Variants in ZNF91 observed in about 807,000 individuals in gnomAD.
ZNF91 encodes zinc finger protein 91, also known as zinc finger protein 91 (HPF7, HTF10).
Under a neutral mutation model 12.6 loss-of-function variants are expected in ZNF91, and 7 were observed. The observed-to-expected ratio is 0.55, with a 90% confidence interval of 0.31 to 1.04. The LOEUF is 1.04. Ranked by LOEUF, ZNF91 falls within the 50% of genes least tolerant of loss-of-function variation. The pLI is 0.05. For synonymous variants in ZNF91, 453 were observed against 462.6 expected (o/e 0.98, Z 0.27); for missense variants, 1,217 against 1,385.4 (o/e 0.88, Z 1.93).
At chr19:23,335,265 G>A (rs1158576184), downstream of ZNF91, among the ~76,000 whole-genome samples, 1 of 152,200 alleles carries the variant, frequency 6.6e-6, no homozygotes, top group African/African-American at 2.4e-5. Flanking sequence ...TAGGCTACTC[G>A]GGGGTCAGGG....
intron 1 of ZNF91, chr19:23,385,191 G>T: frequency 3.0e-6 from 2 of 670,390 alleles, no homozygotes; most frequent in Non-Finnish European, 5.4e-6. Context: ...CTAAGTCAGA[G>T]GAGTCCCTCT....
At chr19:23,394,085 T>C (rs1326050468) in intron 1 of ZNF91, among the ~76,000 whole-genome samples, 3 of 152,022 alleles carry the variant, frequency 2.0e-5, no homozygotes, top group Admixed American at 6.5e-5. Context: ...GGAGGGGAAA[T>C]TGGCATTTGG....
intron 3 of ZNF91, among the ~76,000 whole-genome samples, chr19:23,348,481 T>C (rs1475923029): frequency 1.3e-5 from 2 of 152,244 alleles, no homozygotes; most frequent in Non-Finnish European, 2.9e-5. Context: ...AATACTCTTA[T>C]AATTTCCTAT....
chr19:23,385,657 C>T (rs1331658504), intron 1 of ZNF91, among the ~76,000 whole-genome samples: 1 of 152,168 alleles, frequency 6.6e-6, no homozygotes, highest in Non-Finnish European at 1.5e-5. Flanking sequence ...AACTTTACAG[C>T]ACTCCAACAT....
intron 1 of ZNF91, among the ~76,000 whole-genome samples, chr19:23,377,822 G>C (rs55812273): frequency 0.17 from 26,482 of 152,162 alleles, 2,515 homozygotes; most frequent in Non-Finnish European, 0.21. Context: ...GTAATCAACA[G>C]GATGTTACAG....
chr19:23,328,020 GAC>G (rs757577440), intron 1 of ZNF91: 28 of 152,112 alleles, frequency 1.8e-4, no homozygotes, highest in Admixed American at 9.2e-4. Flanking sequence ...CCTTTTAGAA[GAC>G]AGTTTTTTAC....
At chr19:23,364,961 T>G (rs1425463277) in intron 3 of ZNF91, among the ~76,000 whole-genome samples, 1 of 152,050 alleles carries the variant, frequency 6.6e-6, no homozygotes. Context: ...CAAAGCACAA[T>G]TAACAGATGT....
In ZNF91 at chr19:23,364,422, G is replaced by A. The variant is rs1968921556; in HGVS notation, c.254-1697C>T. Among the ~76,000 whole-genome samples, 5 of 152,042 alleles carry A rather than the reference G, an allele frequency of 3.3e-5. No homozygotes were observed. The South Asian group carries it at 1.0e-3, about 31-fold the overall frequency. On this transcript the variant is annotated intron_variant, in intron 3 of 3. Transcript: ENST00000300619. ...ATCGCGCCATTGCACTCCAGCCTGGGCAACAAGAGCAAAATTCCATCTCAA... is the reference window on the plus strand; with the variant it reads ...ATCGCGCCATTGCACTCCAGCCTGGACAACAAGAGCAAAATTCCATCTCAA...
chr19:23,387,855 A>G (rs1345833076), intron 1 of ZNF91, among the ~76,000 whole-genome samples: 1 of 147,064 alleles, frequency 6.8e-6, no homozygotes, highest in Non-Finnish European at 1.5e-5. Context: ...AGACAGGATA[A>G]TTGCTTAAAC....
chr19:23,390,132 C>T (rs991715687), intron 1 of ZNF91, among the ~76,000 whole-genome samples: 5 of 152,088 alleles, frequency 3.3e-5, no homozygotes, highest in Non-Finnish European at 5.9e-5. Flanking sequence ...GCCTGACCAA[C>T]ATGGAGAAAC....
chr19:23,346,468 G>A (rs1222492754), intron 3 of ZNF91, among the ~76,000 whole-genome samples: 1 of 152,016 alleles, frequency 6.6e-6, no homozygotes, highest in Non-Finnish European at 1.5e-5. Flanking sequence ...CCATAAAGCG[G>A]TAAACTATGA....
chr19:23,318,953 T>C (rs1356465373), intron 1 of ZNF91, among the ~76,000 whole-genome samples: 3 of 152,200 alleles, frequency 2.0e-5, no homozygotes, highest in Non-Finnish European at 4.4e-5. Flanking sequence ...CTGATCACTG[T>C]TGTAATTTTG....
Position 23,360,307 on chromosome 19 carries a change from A to T in ZNF91, c.2672T>A (p.Phe891Tyr). The stretch of plus-strand genomic sequence containing the variant: ...TTCAGTAAGGGTTGAGGACCAGATA[A>T]ATGCTTTGTCACATTCTTCACTCTT... The part of the protein sequence containing the change: ...PSKSEECDKA[F>Y]IWSSTLTEHK... The change falls in exon 4 of 4, where the codon TTT becomes TAT. Residue 891 changes from phenylalanine to tyrosine, a missense_variant. Physicochemically the swap from Phe to Tyr is conservative, Grantham distance 22. Coordinates refer to ENST00000300619, the MANE Select transcript of ZNF91 (RefSeq NM_003430.4). 6.2e-7 allele frequency: 1 copy of T among 1,613,790 alleles called. No individual in the cohort carries two copies. Among genetic ancestry groups the T allele is most frequent in the Non-Finnish European group, 8.5e-7 (1 of 1,179,866 alleles).
chr19:23,383,306 A>ATGAGGATTTTT (rs1969777970), intron 1 of ZNF91, among the ~76,000 whole-genome samples: 1 of 152,226 alleles, frequency 6.6e-6, no homozygotes, highest in African/African-American at 2.4e-5. Context: ...TTCATGTTAA[A>ATGAGGATTTTT]AATCCTCAAC....
At chr19:23,364,371 G>A (rs765591580) in intron 3 of ZNF91, among the ~76,000 whole-genome samples, 11 of 152,210 alleles carry the variant, frequency 7.2e-5, no homozygotes, top group South Asian at 2.1e-4. Flanking sequence ...ACTTGAACCC[G>A]GAGGCAGTGG....
At chr19:23,362,941 T>C (rs996649326) in intron 3 of ZNF91, among the ~76,000 whole-genome samples, 1 of 152,218 alleles carries the variant, frequency 6.6e-6, no homozygotes, top group East Asian at 1.9e-4. Flanking sequence ...TGGTGCAATC[T>C]TGGCTCACAG....
chr19:23,361,367 T>C lies in ZNF91; in HGVS notation c.1612A>G (p.Ile538Val). Residue 538 changes from isoleucine (I) to valine (V), a missense_variant, in exon 4 of 4, where the codon ATA becomes GTA. Around this residue, in one of 2 missense-constraint regions of ZNF91, gnomAD observed 726 missense variants for 895.5 expected, o/e 0.81. Coordinates refer to ENST00000300619, the MANE Select transcript of ZNF91 (RefSeq NM_003430.4). Reference sequence around the variant, plus strand: ...TAGGGTTTCTCTCTACTATGAATTATCTTATGTTTATTAAGGGTTAAGGAT... The same window carrying C: ...TAGGGTTTCTCTCTACTATGAATTACCTTATGTTTATTAAGGGTTAAGGAT... ...RQSLTLNKHKIIHSREKPYKC... is the reference protein window; with the variant it reads ...RQSLTLNKHKVIHSREKPYKC... 6.2e-7 allele frequency: 1 copy of C among 1,613,678 alleles called. No individual in the cohort carries two copies. Among genetic ancestry groups the C allele is most frequent in the South Asian group, 1.1e-5 (1 of 91,054 alleles).
intron 1 of ZNF91, chr19:23,329,001 G>A (rs2145867946): frequency 6.6e-6 from 1 of 152,152 alleles, no homozygotes. Context: ...TGTTTTAGTT[G>A]GTTAAAAATT....
Position 23,361,620 on chromosome 19 carries a change from T to C in ZNF91, c.1359A>G (p.Lys453=), listed in dbSNP as rs749819607. The part of the protein sequence containing the change: ...FNWSSSLTKH[K]RFHTREKPFK... ...AGGGTTTCTCTCTAGTATGAAATCT[T>C]TTATGTTTAGTAAGGCTTGAGGACC... is the stretch of plus-strand genomic sequence containing the variant. Residue 453 remains lysine (K), a synonymous_variant, in exon 4 of 4, where the codon AAA becomes AAG. Coordinates refer to ENST00000300619, the MANE Select transcript of ZNF91 (RefSeq NM_003430.4). 6 of 1,611,922 alleles carry C rather than the reference T, an allele frequency of 3.7e-6. No individual in the cohort carries two copies. In the African/African-American group the frequency reaches 5.4e-5, roughly 14 times the overall value.
Sources: allele counts gnomAD v4.1 joint callset (sites outside exome capture counted in the v4.1 genomes callset), GRCh38; gene constraint gnomAD v4.1.1; regional missense constraint gnomAD v4.1.1; transcripts MANE v1.5; gene names NCBI Gene and HGNC (gene_info 2026-07-23, HGNC 2026-07-21).